Variants in BRD4 observed in about 807,000 individuals in gnomAD.
BRD4 encodes the protein bromodomain containing 4, also known as bromodomain-containing protein 4.
In BRD4, 16 loss-of-function variants were observed where a neutral mutation model predicts 142.1. The observed-to-expected ratio is 0.11, with a 90% CI of 0.08 to 0.17. The LOEUF is 0.17. Among genes scored for constraint, BRD4 ranks in the 10% least tolerant of loss-of-function variants. The probability of loss-of-function intolerance (pLI) is 1.00; values close to 1 mark genes in which losing one functional copy is unlikely to be tolerated. For missense variants in BRD4, 1,424 were observed against 1,810.9 expected, an observed-to-expected ratio of 0.79 and a Z score of 3.88; for synonymous variants, 833 against 707.5, an observed-to-expected ratio of 1.18 and a Z score of -2.82.
At chr19:15,241,751 G>A (rs910509677) in intron 14 of BRD4, among the ~76,000 whole-genome samples, 1 of 151,944 alleles carries the variant, frequency 6.6e-6, no homozygotes, top group African/African-American at 2.4e-5. Flanking sequence ...TTCCCAGGGA[G>A]GACAGGCAGC....
At chr19:15,301,817 G>C (rs567644605) in intron 1 of BRD4, among the ~76,000 whole-genome samples, 1 of 143,256 alleles carries the variant, frequency 7.0e-6, no homozygotes, top group East Asian at 2.1e-4. Flanking sequence ...GCCGAAGACT[G>C]TGCCACTGCA....
rs2047566241 is a variant in BRD4 at position 15,269,535 on chromosome 19, CCTT to C, written c.286-496_286-494del. Among the ~76,000 whole-genome samples the C allele has an allele frequency of 3.9e-5, 6 of 152,276 alleles. No homozygotes were observed. The South Asian group carries it at 1.2e-3, about 32-fold the overall frequency. On this transcript the variant is annotated intron_variant, in intron 2 of 19. Transcript: ENST00000679869. ...ACCCTTGACCCTGGCACTCCTGCCT[CCTT>C]GTCACCATGAAGAGCTGCGGAGCAT...
At chr19:15,251,371 G>T (rs1426199014) in intron 11 of BRD4, among the ~76,000 whole-genome samples, 1 of 129,030 alleles carries the variant, frequency 7.8e-6, no homozygotes, top group Non-Finnish European at 1.5e-5. Context: ...AACTAACCCC[G>T]TAGTATAAGT....
chr19:15,306,331 T>C (rs1413831646), intron 1 of BRD4, among the ~76,000 whole-genome samples: 3 of 152,192 alleles, frequency 2.0e-5, no homozygotes, highest in Admixed American at 2.0e-4. Context: ...TGCAGTGGCA[T>C]GATCACAGCT....
intron 1 of BRD4, among the ~76,000 whole-genome samples, chr19:15,317,170 A>AG (rs1356467939): frequency 1.3e-5 from 2 of 152,206 alleles, no homozygotes; most frequent in Admixed American, 6.6e-5. Flanking sequence ...CCCAAGTGAC[A>AG]GCTCTCCAAG....
chr19:15,261,102 G>GAGTGGGA (rs1568386324), intron 7 of BRD4, among the ~76,000 whole-genome samples: 1 of 152,244 alleles, frequency 6.6e-6, no homozygotes, highest in Non-Finnish European at 1.5e-5. Context: ...CTTCTCAAGA[G>GAGTGGGA]AGTGGGAGAG....
intron 1 of BRD4, among the ~76,000 whole-genome samples, chr19:15,326,169 A>AG (rs1364826462): frequency 6.7e-6 from 1 of 150,326 alleles, no homozygotes; most frequent in Non-Finnish European, 1.5e-5. Flanking sequence ...AAAAAAAAAA[A>AG]AAAAAGGCCG....
chr19:15,287,302 T>C (rs2047747448), intron 1 of BRD4, among the ~76,000 whole-genome samples: 3 of 152,172 alleles, frequency 2.0e-5, no homozygotes, highest in Admixed American at 1.3e-4. Context: ...GTAAAATATA[T>C]GTAACATAAA....
intron 1 of BRD4, among the ~76,000 whole-genome samples, chr19:15,294,996 A>G (rs2145675367): frequency 6.6e-6 from 1 of 152,280 alleles, no homozygotes; most frequent in East Asian, 1.9e-4. Flanking sequence ...AACACTCAAC[A>G]CCATACTACT....
At chr19:15,244,980 G>A (rs1422295751) in intron 11 of BRD4, 1 of 842,132 alleles carries the variant, frequency 1.2e-6, no homozygotes, top group East Asian at 2.7e-5. Flanking sequence ...TTCCTAGCAG[G>A]GACTGTGCCT....
At chr19:15,307,136 T>C (rs1337912546) in intron 1 of BRD4, among the ~76,000 whole-genome samples, 3 of 152,170 alleles carry the variant, frequency 2.0e-5, no homozygotes, top group Admixed American at 6.5e-5. Flanking sequence ...GTGACTGAAC[T>C]GGTCAGGCCA....
chr19:15,273,812 T>C (rs2047616156), intron 1 of BRD4, among the ~76,000 whole-genome samples: 1 of 150,322 alleles, frequency 6.7e-6, no homozygotes, highest in African/African-American at 2.5e-5. Flanking sequence ...AGACCTACCA[T>C]TTTCTTTTTT....
intron 1 of BRD4, among the ~76,000 whole-genome samples, chr19:15,325,769 C>G (rs1033909788): frequency 6.6e-6 from 1 of 151,906 alleles, no homozygotes; most frequent in South Asian, 2.1e-4. Context: ...GAGGCTGAGG[C>G]GGGCGGATCA....
chr19:15,252,807 C>T (rs1355370659), intron 11 of BRD4, among the ~76,000 whole-genome samples: 1 of 152,124 alleles, frequency 6.6e-6, no homozygotes, highest in Non-Finnish European at 1.5e-5. Flanking sequence ...GGCAAGTCTC[C>T]TCACTCACCT....
chr19:15,238,984 G>A lies in BRD4; in HGVS notation c.3783-4C>T, dbSNP rs200730677. The A allele has an allele frequency of 6.3e-7, 1 of 1,582,688 alleles. No homozygotes were observed. Among genetic ancestry groups the A allele is most frequent in the Non-Finnish European group, 8.6e-7 (1 of 1,166,082 alleles). ...CGCATCCTCGTCCTCTCGGCTCCTG[G>A]GCAGAGGGTCCCAGTCAGCCTGGGG... On this transcript the variant is annotated splice_polypyrimidine_tract_variant and splice_region_variant and intron_variant, in intron 18 of 19. Transcript: ENST00000679869. The surrounding 1 kb of genome is among the most constrained non-coding windows in gnomAD (Gnocchi z 7.2).
In BRD4 at chr19:15,244,564, G is replaced by T; in HGVS notation, c.2248C>A (p.Pro750Thr). Residue 750 changes from proline to threonine, a missense_variant, in exon 13 of 20, where the codon CCG (proline) becomes ACG (threonine). Physicochemically the swap from Pro to Thr is conservative, Grantham distance 38. Transcript: ENST00000679869. ...GGCGGCTGCTGGGGCACAGGAGCCG[G>T]GGCCTGCTGCATCTGCTGATGGTGG... is the stretch of plus-strand genomic sequence containing the variant. ...HHHHQQMQQAPAPVPQQPPPP... is the reference protein window; with the variant it reads ...HHHHQQMQQATAPVPQQPPPP... The T allele has an allele frequency of 6.2e-7, 1 of 1,605,170 alleles. No homozygotes were observed. The highest frequency in any genetic ancestry group is 8.5e-7 in the Non-Finnish European group (1 of 1,179,488).
intron 1 of BRD4, among the ~76,000 whole-genome samples, chr19:15,302,798 G>A (rs971840087): frequency 6.6e-6 from 1 of 151,508 alleles, no homozygotes; most frequent in African/African-American, 2.4e-5. Flanking sequence ...GAGGTTAGGA[G>A]ATCGAGACCA....
rs757987450 is a variant in BRD4, at chr19:15,244,476, G to A, written c.2336C>T (p.Pro779Leu). 40 of 1,541,262 alleles carry A rather than the reference G, an allele frequency of 2.6e-5. No homozygotes were observed. The highest frequency in any genetic ancestry group is 6.8e-5 in the African/African-American group (5 of 73,332). The change falls in exon 13 of 20, where the codon CCG (proline) becomes CTG (leucine). Residue 779 changes from proline (P) to leucine (L), a missense_variant. Around this residue, in one of 16 missense-constraint regions of BRD4, gnomAD observed 598 missense variants for 647.8 expected, o/e 0.92. Transcript: ENST00000679869. ...PPQQQQQPPPPPPPPSMPQQA... is the reference protein window; with the variant it reads ...PPQQQQQPPPLPPPPSMPQQA... ...CTGCGGCATGGAGGGTGGGGGAGGC[G>A]GGGGTGGCGGCTGCTGTTGCTGCTG...
chr19:15,277,376 A>T (rs1261151806), intron 1 of BRD4, among the ~76,000 whole-genome samples: 1 of 152,242 alleles, frequency 6.6e-6, no homozygotes, highest in Non-Finnish European at 1.5e-5. Context: ...TGGTAAACTC[A>T]GATGGCATTG....
Sources: allele counts gnomAD v4.1 joint callset (sites outside exome capture counted in the v4.1 genomes callset), GRCh38; gene constraint gnomAD v4.1.1; regional missense constraint gnomAD v4.1.1; non-coding constraint Gnocchi (gnomAD v3.1); transcripts MANE v1.5; gene names NCBI Gene and HGNC (gene_info 2026-07-23, HGNC 2026-07-21).